PLCB1: variants seen among roughly 807,000 people sequenced by gnomAD.
PLCB1 encodes phospholipase C beta 1.
PLCB1 carries 46 observed loss-of-function variants against 161.8 expected under a neutral mutation model. That is an observed-to-expected ratio of 0.28 (90% CI 0.22 to 0.36). PLCB1 has a LOEUF of 0.36. Ranked by LOEUF, PLCB1 falls within the 10% of genes least tolerant of loss-of-function variation. PLCB1 has a pLI of 1.00. For synonymous variants in PLCB1, 517 were observed against 503.7 expected (o/e 1.03, Z -0.35); for missense variants, 1,016 against 1,472.5 (o/e 0.69, Z 5.07).
intron 4 of PLCB1, among the ~76,000 whole-genome samples, chr20:8,636,691 T>C (rs1203791669): frequency 1.3e-5 from 2 of 152,180 alleles, no homozygotes; most frequent in Non-Finnish European, 2.9e-5. Context: ...TTTTCTGCAT[T>C]TGCTAGACAA....
In PLCB1 at chr20:8,717,940, T is replaced by C. The variant is rs1394075914; in HGVS notation, c.1513+92T>C. ...GCGTGGTGGCTCATGCCTGTAATAC[T>C]ACTACTTTTGGAGGCTGAGGCAGGT... On this transcript the variant is annotated intron_variant, in intron 14 of 31. Coordinates refer to ENST00000338037, the MANE Select transcript of PLCB1 (RefSeq NM_015192.4). The C allele has an allele frequency of 2.6e-6, 3 of 1,139,016 alleles. 1 individual carries two copies. Among genetic ancestry groups the C allele is most frequent in the Non-Finnish European group, 3.6e-6 (3 of 843,216 alleles). 70.6% of individuals were successfully genotyped at this position (1,139,016 alleles called of 1,614,324 possible).
At position 8,396,507 on chromosome 20, in the gene PLCB1, A is replaced by C. The variant is rs182062773; in HGVS notation, c.246+25057A>C. ...TGAGAAGAGAAAAACCAATTATTTTAGAGGCCAGTCCTGAATTATTGCCTT... is the reference window on the plus strand; with the variant it reads ...TGAGAAGAGAAAAACCAATTATTTTCGAGGCCAGTCCTGAATTATTGCCTT... On this transcript the variant is annotated intron_variant, in intron 3 of 31. Coordinates refer to ENST00000338037, the MANE Select transcript of PLCB1 (RefSeq NM_015192.4). 2.4e-4 allele frequency among the ~76,000 whole-genome samples: 37 copies of C among 152,216 alleles called. No homozygotes were observed. In the East Asian group the frequency reaches 6.6e-3, roughly 27 times the overall value.
At chr20:8,457,044 A>G (rs1981346363) in intron 3 of PLCB1, among the ~76,000 whole-genome samples, 1 of 152,238 alleles carries the variant, frequency 6.6e-6, no homozygotes, top group African/African-American at 2.4e-5. Context: ...AAATCATCTT[A>G]CATGGACTTC....
At chr20:8,509,044 C>T (rs753909338) in intron 3 of PLCB1, among the ~76,000 whole-genome samples, 20 of 152,184 alleles carry the variant, frequency 1.3e-4, no homozygotes, top group Non-Finnish European at 2.6e-4. Flanking sequence ...CCATTCTACC[C>T]TTGGCACACA....
At chr20:8,384,355 G>A (rs1407449155) in intron 3 of PLCB1, among the ~76,000 whole-genome samples, 2 of 151,806 alleles carry the variant, frequency 1.3e-5, no homozygotes, top group African/African-American at 2.4e-5. Flanking sequence ...TTCTTGTGCT[G>A]TATTTTTCAG....
chr20:8,716,154 G>A (rs1447612728), intron 12 of PLCB1, 110 bp from the exon 13 acceptor site: 1 of 753,654 alleles, frequency 1.3e-6, no homozygotes, highest in Non-Finnish European at 2.3e-6. Flanking sequence ...ATCCTGATGG[G>A]TGGGATTAGA....
intron 31 of PLCB1, among the ~76,000 whole-genome samples, chr20:8,875,180 G>A (rs73089673): frequency 8.0e-5 from 12 of 150,722 alleles, no homozygotes; most frequent in Non-Finnish European, 1.8e-4. Flanking sequence ...TCATTTTTCA[G>A]AGAAATGGAT....
At chr20:8,691,265 TA>T (rs1453736781) in intron 10 of PLCB1, among the ~76,000 whole-genome samples, 1 of 151,894 alleles carries the variant, frequency 6.6e-6, no homozygotes, top group East Asian at 1.9e-4. Flanking sequence ...AATAAAAATA[TA>T]ACCAATGCCT....
chr20:8,252,689 C>T (rs572718550), intron 2 of PLCB1, among the ~76,000 whole-genome samples: 1 of 151,372 alleles, frequency 6.6e-6, no homozygotes, highest in East Asian at 2.0e-4. Context: ...CACTTGCTTT[C>T]CCCATCCACT....
At chr20:8,382,303 G>T (rs1189748897) in intron 3 of PLCB1, among the ~76,000 whole-genome samples, 7 of 131,126 alleles carry the variant, frequency 5.3e-5, no homozygotes, top group Admixed American at 4.7e-4. Context: ...TTTTTTTTGA[G>T]ATGGAGTCTT....
At chr20:8,732,046 G>A (rs1980277050) in intron 18 of PLCB1, 2 of 151,928 alleles carry the variant, frequency 1.3e-5, no homozygotes, top group Non-Finnish European at 1.5e-5. Flanking sequence ...ACTTTAATAT[G>A]TATTCTTTCA....
intron 3 of PLCB1, among the ~76,000 whole-genome samples, chr20:8,573,866 A>G (rs986247627): frequency 3.3e-5 from 5 of 152,234 alleles, no homozygotes; most frequent in Non-Finnish European, 5.9e-5. Flanking sequence ...CAAGAATTCC[A>G]TGCTTCTGTA....
At chr20:8,505,263 G>C (rs1983592911) in intron 3 of PLCB1, among the ~76,000 whole-genome samples, 1 of 152,152 alleles carries the variant, frequency 6.6e-6, no homozygotes, top group African/African-American at 2.4e-5. Context: ...ATTCTTCCAG[G>C]ACCATTTCCA....
At chr20:8,675,639 C>A (rs1000014339) in intron 9 of PLCB1, among the ~76,000 whole-genome samples, 2 of 152,158 alleles carry the variant, frequency 1.3e-5, no homozygotes, top group African/African-American at 4.8e-5. Flanking sequence ...CATGGAACTT[C>A]AGGATAAATA....
chr20:8,571,884 T>G (rs1386469775), intron 3 of PLCB1, among the ~76,000 whole-genome samples: 1 of 152,080 alleles, frequency 6.6e-6, no homozygotes, highest in Non-Finnish European at 1.5e-5. Context: ...ACTCCAAAAG[T>G]GAAACTGAGG....
intron 31 of PLCB1, among the ~76,000 whole-genome samples, chr20:8,805,843 G>A (rs926130990): frequency 6.6e-6 from 1 of 152,134 alleles, no homozygotes; most frequent in African/African-American, 2.4e-5. Context: ...GGATAAACAA[G>A]CAATAAGGGT....
chr20:8,687,986 T>C (rs1431520505), intron 10 of PLCB1, among the ~76,000 whole-genome samples: 1 of 152,176 alleles, frequency 6.6e-6, no homozygotes, highest in African/African-American at 2.4e-5. Context: ...GCTGCATCCA[T>C]GCCAACTTCT....
intron 2 of PLCB1, among the ~76,000 whole-genome samples, chr20:8,259,252 T>C (rs1981575813): frequency 6.6e-6 from 1 of 152,156 alleles, no homozygotes; most frequent in African/African-American, 2.4e-5. Context: ...TCCAATAAAA[T>C]GGTAAAATAA....
chr20:8,744,619 A>ATAAAATAAAATAAAAT (rs11087822), intron 23 of PLCB1, among the ~76,000 whole-genome samples: 5,284 of 119,330 alleles, frequency 0.044, 186 homozygotes, highest in African/African-American at 0.1. Context: ...AATAAAATAA[A>ATAAAATAAAATAAAAT]TAAAATAAAA....
Sources: gnomAD v4.1 joint callset for allele counts (sites outside exome capture counted in the v4.1 genomes callset) on GRCh38, gnomAD v4.1.1 for gene constraint, MANE v1.5 for transcripts, NCBI Gene and HGNC (gene_info 2026-07-23, HGNC 2026-07-21) for gene names.